SH3RF1: variants seen among roughly 807,000 people sequenced by gnomAD.
The protein encoded by SH3RF1 is SH3 domain containing ring finger 1, also known as E3 ubiquitin-protein ligase SH3RF1.
SH3RF1 carries 32 observed loss-of-function variants against 74.0 expected under a neutral mutation model. The ratio of observed to expected loss-of-function variants is 0.43; its 90% CI spans 0.33 to 0.58. SH3RF1 has a LOEUF of 0.58. Among genes scored for constraint, SH3RF1 ranks in the 20% least tolerant of loss-of-function variants. SH3RF1 has a pLI of 0.05. For missense variants in SH3RF1, 954 were observed against 1,130.9 expected, an observed-to-expected ratio of 0.84 and a Z score of 2.24; for synonymous variants, 396 against 439.6, an observed-to-expected ratio of 0.90 and a Z score of 1.24.
chr4:169,254,595 GA>G (rs1731155417), intron 2 of SH3RF1, among the ~76,000 whole-genome samples: 1 of 152,160 alleles, frequency 6.6e-6, no homozygotes, highest in Non-Finnish European at 1.5e-5. Flanking sequence ...AGAGATGGGG[GA>G]AACTGAATTT....
rs1279334784 is a variant in SH3RF1, at chr4:169,116,495, G to C, written c.1913C>G (p.Pro638Arg). 1 of 1,613,566 alleles carries C rather than the reference G, an allele frequency of 6.2e-7. No homozygotes were observed. Among genetic ancestry groups the C allele is most frequent in the Non-Finnish European group, 8.5e-7 (1 of 1,179,790 alleles). ...LASPQPAPLM[P>R]GSATHTAAIS... ...GGCAGCAGTGTGCGTGGCTGAGCCT[G>C]GCATCAGAGGCGCAGGTTGTGGGGA... Residue 638 changes from proline to arginine, a missense_variant, in exon 10 of 12, where the codon CCA becomes CGA. Coordinates refer to ENST00000284637, the MANE Select transcript of SH3RF1 (RefSeq NM_020870.4).
chr4:169,134,464 A>G (rs1733664940), intron 5 of SH3RF1, among the ~76,000 whole-genome samples: 1 of 152,210 alleles, frequency 6.6e-6, no homozygotes, highest in African/African-American at 2.4e-5. Flanking sequence ...TCTTAAAGCT[A>G]TTCCCATTCT....
intron 2 of SH3RF1, among the ~76,000 whole-genome samples, chr4:169,238,215 CAT>C (rs1345834181): frequency 3.3e-5 from 5 of 152,182 alleles, no homozygotes; most frequent in Non-Finnish European, 7.3e-5. Context: ...TTTCCTTTAA[CAT>C]ATCCAAGCTT....
chr4:169,195,634 C>T (rs1734796373), intron 2 of SH3RF1, among the ~76,000 whole-genome samples: 1 of 152,048 alleles, frequency 6.6e-6, no homozygotes, highest in African/African-American at 2.4e-5. Context: ...CTTTTCTTCT[C>T]CATATTTTCT....
intron 2 of SH3RF1, among the ~76,000 whole-genome samples, chr4:169,230,551 T>C (rs1730720827): frequency 6.6e-6 from 1 of 152,170 alleles, no homozygotes; most frequent in Admixed American, 6.5e-5. Context: ...ATATTAAGTA[T>C]CAATTATTCA....
intron 2 of SH3RF1, among the ~76,000 whole-genome samples, chr4:169,227,676 C>T (rs745882107): frequency 1.6e-4 from 24 of 152,224 alleles, no homozygotes; most frequent in African/African-American, 5.8e-4. Flanking sequence ...ATTACTCTCT[C>T]TGTGTGCCTT....
intron 10 of SH3RF1, among the ~76,000 whole-genome samples, chr4:169,114,880 A>G (rs1315212326): frequency 1.3e-5 from 2 of 152,170 alleles, no homozygotes; most frequent in Admixed American, 6.5e-5. Context: ...AACGACATAC[A>G]TTACCACTTA....
At chr4:169,140,400 C>G (rs1188556173) in intron 4 of SH3RF1, among the ~76,000 whole-genome samples, 1 of 152,122 alleles carries the variant, frequency 6.6e-6, no homozygotes, top group Non-Finnish European at 1.5e-5. Flanking sequence ...CCTAAAATAC[C>G]TTCTTCCAAG....
At chr4:169,143,983 C>T (rs1733828588) in intron 4 of SH3RF1, among the ~76,000 whole-genome samples, 1 of 152,186 alleles carries the variant, frequency 6.6e-6, no homozygotes, top group Admixed American at 6.5e-5. Flanking sequence ...AGGAAAAGCC[C>T]TGAACTTCAC....
intron 2 of SH3RF1, among the ~76,000 whole-genome samples, chr4:169,253,053 C>T (rs1189158662): frequency 6.6e-6 from 1 of 152,102 alleles, no homozygotes. Flanking sequence ...AATAAACTTG[C>T]CTCTCAAGGA....
At chr4:169,137,950 T>G (rs1400017470) in intron 4 of SH3RF1, among the ~76,000 whole-genome samples, 2 of 152,202 alleles carry the variant, frequency 1.3e-5, no homozygotes, top group Non-Finnish European at 2.9e-5. Flanking sequence ...TTCTTCAGAC[T>G]TTAAGAAGTT....
At chr4:169,194,388 A>G (rs569798115) in intron 2 of SH3RF1, among the ~76,000 whole-genome samples, 1 of 152,186 alleles carries the variant, frequency 6.6e-6, no homozygotes, top group African/African-American at 2.4e-5. Context: ...TGCAACCACA[A>G]TCATGGCTTT....
intron 11 of SH3RF1, 142 bp downstream of exon 11, chr4:169,106,705 G>A: frequency 1.4e-6 from 1 of 691,780 alleles, no homozygotes; most frequent in Non-Finnish European, 2.3e-6. Flanking sequence ...AGTGGGAAAA[G>A]AAATTCAGTG....
intron 2 of SH3RF1, among the ~76,000 whole-genome samples, chr4:169,244,009 A>G (rs2110737546): frequency 6.6e-6 from 1 of 152,352 alleles, no homozygotes; most frequent in South Asian, 2.1e-4. Flanking sequence ...CAGACTAAAG[A>G]GTAGTAAATG....
At chr4:169,164,435 T>G (rs1212940154) in intron 2 of SH3RF1, among the ~76,000 whole-genome samples, 1 of 152,234 alleles carries the variant, frequency 6.6e-6, no homozygotes, top group Non-Finnish European at 1.5e-5. Context: ...CATATTTATG[T>G]GTCTCTGGGA....
rs1222866029 is a variant in SH3RF1, at chr4:169,094,732, G to GTT, written c.*1786_*1787insAA. On this transcript the variant is annotated 3_prime_UTR_variant, in exon 12 of 12. Coordinates refer to ENST00000284637, the MANE Select transcript of SH3RF1 (RefSeq NM_020870.4). ...TATATTACATGAATATCCAAGTAAA[G>GTT]TATTTTTTTTTTAAATTCAACACAC... 1 of 23,796 alleles carries GTT rather than the reference G, an allele frequency of 4.2e-5. No individual in the cohort carries two copies. Among genetic ancestry groups the GTT allele is most frequent in the African/African-American group, 6.6e-5 (1 of 15,214 alleles). 1.5% of individuals were successfully genotyped at this position (23,796 alleles called of 1,614,324 possible).
intron 2 of SH3RF1, among the ~76,000 whole-genome samples, chr4:169,178,992 T>C (rs538986156): frequency 4.6e-5 from 7 of 152,226 alleles, no homozygotes; most frequent in African/African-American, 1.2e-4. Flanking sequence ...ACCCTACCCA[T>C]GTGTGCTAGG....
chr4:169,249,670 T>C (rs1731065472), intron 2 of SH3RF1, among the ~76,000 whole-genome samples: 2 of 152,204 alleles, frequency 1.3e-5, no homozygotes, highest in South Asian at 4.1e-4. Context: ...AATCCCCCCG[T>C]TGGAGACACA....
At chr4:169,167,246 T>C (rs779975372) in intron 2 of SH3RF1, 3 of 152,594 alleles carry the variant, frequency 2.0e-5, no homozygotes, top group Non-Finnish European at 4.4e-5. Flanking sequence ...ATCAGGCAAC[T>C]GCAAAATAAA....
Sources: allele counts gnomAD v4.1 joint callset (sites outside exome capture counted in the v4.1 genomes callset), GRCh38; gene constraint gnomAD v4.1.1; transcripts MANE v1.5; gene names NCBI Gene and HGNC (gene_info 2026-07-23, HGNC 2026-07-21).